The following ADAM12 variants were observed in gnomAD, a reference collection of about 807,000 sequenced individuals.
ADAM12 encodes ADAM metallopeptidase domain 12.
In ADAM12, 70 loss-of-function variants were observed where a neutral mutation model predicts 106.4. The ratio of observed to expected loss-of-function variants is 0.66; its 90% CI spans 0.54 to 0.80. The LOEUF (loss-of-function observed/expected upper bound fraction) is 0.80. ADAM12 is among the 30% of genes least tolerant of loss of function. The probability of loss-of-function intolerance (pLI) is 0.00; values close to 1 mark genes in which losing one functional copy is unlikely to be tolerated. For synonymous variants in ADAM12, 420 were observed against 433.5 expected (o/e 0.97, Z 0.39); for missense variants, 1,010 against 1,171.9 (o/e 0.86, Z 2.02).
intron 3 of ADAM12, among the ~76,000 whole-genome samples, chr10:126,250,647 T>C (rs1334069024): frequency 6.6e-6 from 1 of 152,182 alleles, no homozygotes; most frequent in Non-Finnish European, 1.5e-5. Flanking sequence ...ATCATTAGCT[T>C]TACATTGTTA....
chr10:126,049,163 C>T lies in ADAM12; in HGVS notation c.1917+90G>A. The T allele has an allele frequency of 6.5e-7, 1 of 1,544,408 alleles. No individual in the cohort carries two copies. Among genetic ancestry groups the T allele is most frequent in the Non-Finnish European group, 8.8e-7 (1 of 1,131,128 alleles). ...TGAGAAGAAGTAGATTTAGGAAAAC[C>T]AACAAACCTTGTAACCCAGTTCTTG... On this transcript the variant is annotated intron_variant, in intron 16 of 22. Coordinates refer to ENST00000448723, the MANE Select transcript of ADAM12 (RefSeq NM_001288973.2). The surrounding 1 kb of genome is among the most constrained non-coding windows in gnomAD (Gnocchi z 4.4).
chr10:126,335,883 C>T (rs1404451975), intron 1 of ADAM12, among the ~76,000 whole-genome samples: 3 of 152,182 alleles, frequency 2.0e-5, no homozygotes, highest in Non-Finnish European at 2.9e-5. Context: ...TCAAAACCCA[C>T]AGCCCCCGTC....
intron 3 of ADAM12, among the ~76,000 whole-genome samples, chr10:126,248,337 G>T (rs553040596): frequency 6.6e-6 from 1 of 152,324 alleles, no homozygotes; most frequent in African/African-American, 2.4e-5. Context: ...ACTTAGCACA[G>T]AGCCTGGCAT....
At chr10:126,315,045 C>G (rs557058182) in intron 2 of ADAM12, among the ~76,000 whole-genome samples, 55 of 152,288 alleles carry the variant, frequency 3.6e-4, no homozygotes, top group Admixed American at 7.2e-4. Flanking sequence ...CAAGTCACTG[C>G]ATTTGAAATG....
intron 2 of ADAM12, among the ~76,000 whole-genome samples, chr10:126,311,800 T>C (rs1961110331): frequency 6.6e-6 from 1 of 152,170 alleles, no homozygotes; most frequent in Admixed American, 6.5e-5. Flanking sequence ...CCCTGCTCTA[T>C]AGGCACCTCT....
intron 14 of ADAM12, among the ~76,000 whole-genome samples, chr10:126,056,161 C>T (rs114357301): frequency 0.019 from 2,899 of 152,232 alleles, 84 homozygotes; most frequent in African/African-American, 0.065. Context: ...AAGGCAATAA[C>T]GGTCACCTTC....
chr10:126,121,620 G>A (rs1477705117), intron 5 of ADAM12, among the ~76,000 whole-genome samples: 3 of 149,204 alleles, frequency 2.0e-5, no homozygotes, highest in Admixed American at 6.8e-5. Context: ...ATCAATCCTC[G>A]AGGAATAGCT....
At chr10:126,315,213 CAT>C (rs909511340) in intron 2 of ADAM12, among the ~76,000 whole-genome samples, 3 of 152,262 alleles carry the variant, frequency 2.0e-5, no homozygotes, top group African/African-American at 7.2e-5. Flanking sequence ...GAAAAATGTA[CAT>C]GTGTTGTCTT....
intron 4 of ADAM12, among the ~76,000 whole-genome samples, chr10:126,137,897 T>A (rs1005746363): frequency 6.6e-6 from 1 of 152,250 alleles, no homozygotes; most frequent in Non-Finnish European, 1.5e-5. Context: ...ATATGCACTA[T>A]GAGTAGACAC....
At chr10:126,080,316 G>A (rs780566149) in intron 11 of ADAM12, among the ~76,000 whole-genome samples, 4 of 152,122 alleles carry the variant, frequency 2.6e-5, no homozygotes, top group Non-Finnish European at 5.9e-5. Context: ...AGTTTCTTCC[G>A]TAGCTTTTGG....
intron 12 of ADAM12, 24 bp downstream of exon 12, chr10:126,071,453 C>G: frequency 5.0e-6 from 8 of 1,611,620 alleles, no homozygotes; most frequent in Non-Finnish European, 6.8e-6. Context: ...CTTCTTGTAT[C>G]CTTGTTCTGG....
chr10:126,255,197 G>A (rs780270738), intron 3 of ADAM12, among the ~76,000 whole-genome samples: 1 of 152,246 alleles, frequency 6.6e-6, no homozygotes, highest in African/African-American at 2.4e-5. Flanking sequence ...CACTCAGGCT[G>A]ATGTCAGGTG....
At chr10:126,384,915 C>T (rs1158767455) in intron 1 of ADAM12, among the ~76,000 whole-genome samples, 1 of 152,158 alleles carries the variant, frequency 6.6e-6, no homozygotes. Context: ...ACAAGACTTC[C>T]CCCCAATGTC....
intron 3 of ADAM12, among the ~76,000 whole-genome samples, chr10:126,203,515 C>T (rs1957738563): frequency 2.0e-5 from 3 of 152,100 alleles, no homozygotes; most frequent in African/African-American, 7.2e-5. Context: ...AATATAGAAG[C>T]ATAAACACGC....
At chr10:126,354,813 T>C (rs1038388067) in intron 1 of ADAM12, among the ~76,000 whole-genome samples, 23 of 152,070 alleles carry the variant, frequency 1.5e-4, no homozygotes, top group Non-Finnish European at 2.5e-4. Context: ...AGTTTGTTTT[T>C]TTTTTAATGA....
chr10:126,177,850 C>A (rs1957246706), intron 3 of ADAM12, among the ~76,000 whole-genome samples: 1 of 152,058 alleles, frequency 6.6e-6, no homozygotes, highest in Non-Finnish European at 1.5e-5. Flanking sequence ...AGGCTTTTGG[C>A]CAAAAAGAAA....
At chr10:126,287,235 C>T (rs1959907952) in intron 2 of ADAM12, among the ~76,000 whole-genome samples, 1 of 152,186 alleles carries the variant, frequency 6.6e-6, no homozygotes, top group Admixed American at 6.5e-5. Context: ...GACAGTCCAC[C>T]AGGCACGTGC....
intron 6 of ADAM12, among the ~76,000 whole-genome samples, chr10:126,115,622 C>T (rs1295782307): frequency 6.6e-6 from 1 of 152,176 alleles, no homozygotes; most frequent in African/African-American, 2.4e-5. Flanking sequence ...AAAACGCAAA[C>T]ATCTGCAGAA....
chr10:126,330,567 A>G (rs1854476836), intron 1 of ADAM12, 58 bp from the exon 2 acceptor site: 1 of 1,451,316 alleles, frequency 6.9e-7, no homozygotes, highest in African/African-American at 1.4e-5. Context: ...GTTTGGCATC[A>G]GAAGCTTATT....
Sources: gnomAD v4.1 joint callset for allele counts (sites outside exome capture counted in the v4.1 genomes callset) on GRCh38, gnomAD v4.1.1 for gene constraint, Gnocchi (gnomAD v3.1) non-coding constraint, MANE v1.5 for transcripts, NCBI Gene and HGNC (gene_info 2026-07-23, HGNC 2026-07-21) for gene names.